The following CTNNA3 variants were observed in gnomAD, a reference collection of about 807,000 sequenced individuals.
The protein encoded by CTNNA3 is catenin alpha 3.
CTNNA3 carries 76 observed loss-of-function variants against 95.7 expected under a neutral mutation model. The observed-to-expected ratio is 0.79, with a 90% confidence interval of 0.66 to 0.96. The LOEUF (loss-of-function observed/expected upper bound fraction) is 0.96, where lower values mean the gene tolerates loss of function less well. Ranked by LOEUF, CTNNA3 falls within the 40% of genes least tolerant of loss-of-function variation. The pLI is 0.00. For missense variants in CTNNA3, 1,191 were observed against 1,089.8 expected (o/e 1.09, Z -1.31); for synonymous variants, 431 against 374.4 (o/e 1.15, Z -1.74).
Position 66,927,899 on chromosome 10 carries a change from A to G in CTNNA3, c.1048-152375T>C, listed in dbSNP as rs1430824271. On this transcript the variant is annotated intron_variant, in intron 7 of 17. Coordinates refer to ENST00000433211, the MANE Select transcript of CTNNA3 (RefSeq NM_013266.4). The surrounding 1 kb of genome is among the most constrained non-coding windows in gnomAD (Gnocchi z 4.7). The stretch of plus-strand genomic sequence containing the variant: ...ATTTGCTCCCTTGTAAACTGGCTGA[A>G]AAGTTTTAAAGGTCTAAGGGAGAAT... 2 of 1,614,120 alleles carry G rather than the reference A, an allele frequency of 1.2e-6. No homozygotes were observed. Among genetic ancestry groups the G allele is most frequent in the African/African-American group, 1.3e-5 (1 of 74,948 alleles).
intron 7 of CTNNA3, among the ~76,000 whole-genome samples, chr10:67,151,727 T>C (rs4746663): frequency 0.64 from 97,743 of 152,100 alleles, 32,469 homozygotes; most frequent in African/African-American, 0.82. Context: ...CACAGCATTC[T>C]GCAGAGCAGC....
intron 5 of CTNNA3, among the ~76,000 whole-genome samples, chr10:67,280,705 C>G (rs887235301): frequency 1.3e-5 from 2 of 152,068 alleles, no homozygotes. Flanking sequence ...GGCAAGAAGA[C>G]CCTGTGCAGG....
chr10:66,563,966 G>A (rs1026690503), intron 10 of CTNNA3, among the ~76,000 whole-genome samples: 10 of 151,966 alleles, frequency 6.6e-5, no homozygotes, highest in African/African-American at 2.4e-4. Context: ...TATATTGATT[G>A]ATGTCTCATG....
chr10:66,212,790 G>A (rs770690094), intron 13 of CTNNA3, among the ~76,000 whole-genome samples: 7 of 152,122 alleles, frequency 4.6e-5, no homozygotes, highest in Non-Finnish European at 1.0e-4. Flanking sequence ...GATTACTTGA[G>A]GCCAGGAGTT....
chr10:67,343,117 A>ATTTT (rs1011106479), intron 5 of CTNNA3, among the ~76,000 whole-genome samples: 8 of 151,872 alleles, frequency 5.3e-5, no homozygotes, highest in African/African-American at 1.9e-4. Flanking sequence ...TACCCAGCTA[A>ATTTT]TTTTTGTATT....
intron 14 of CTNNA3, among the ~76,000 whole-genome samples, chr10:66,086,056 T>A (rs2080970536): frequency 1.3e-5 from 2 of 152,108 alleles, no homozygotes; most frequent in South Asian, 4.1e-4. Context: ...AAACAAAACA[T>A]AATTCTTCTT....
chr10:66,972,250 G>A (rs543004264), intron 7 of CTNNA3, among the ~76,000 whole-genome samples: 4 of 152,016 alleles, frequency 2.6e-5, no homozygotes, highest in Non-Finnish European at 4.4e-5. Flanking sequence ...TTCATTATTC[G>A]GCTTCAGAGT....
chr10:66,820,663 G>T (rs956073555), intron 7 of CTNNA3, among the ~76,000 whole-genome samples: 4 of 146,086 alleles, frequency 2.7e-5, no homozygotes, highest in South Asian at 4.4e-4. Context: ...AAAAAAAATT[G>T]TCCATGTTAG....
At chr10:66,849,154 C>T (rs1032001104) in intron 7 of CTNNA3, among the ~76,000 whole-genome samples, 1 of 152,092 alleles carries the variant, frequency 6.6e-6, no homozygotes, top group Non-Finnish European at 1.5e-5. Flanking sequence ...AATGGAACAC[C>T]TCATTTAAGG....
At chr10:65,970,787 A>G (rs1442419489) in intron 16 of CTNNA3, among the ~76,000 whole-genome samples, 2 of 150,468 alleles carry the variant, frequency 1.3e-5, no homozygotes, top group African/African-American at 2.4e-5. Context: ...GAAGGGTATT[A>G]CATGATGATA....
intron 13 of CTNNA3, among the ~76,000 whole-genome samples, chr10:66,173,924 T>C (rs576929765): frequency 4.2e-4 from 64 of 152,240 alleles, no homozygotes; most frequent in African/African-American, 1.1e-3. Flanking sequence ...TTAAGTAACT[T>C]GCTCAGCTGG....
At chr10:66,408,792 T>C (rs1232779559) in intron 11 of CTNNA3, among the ~76,000 whole-genome samples, 2 of 152,158 alleles carry the variant, frequency 1.3e-5, no homozygotes, top group African/African-American at 4.8e-5. Flanking sequence ...GAACAGTGTA[T>C]AAAACCTAGC....
At chr10:67,214,825 T>C (rs10997577) in intron 6 of CTNNA3, among the ~76,000 whole-genome samples, 1 of 151,942 alleles carries the variant, frequency 6.6e-6, no homozygotes, top group Non-Finnish European at 1.5e-5. Context: ...TCATCATTCA[T>C]AGGTAACTCT....
At chr10:66,661,468 T>C (rs886199170) in intron 9 of CTNNA3, among the ~76,000 whole-genome samples, 6 of 152,288 alleles carry the variant, frequency 3.9e-5, no homozygotes, top group African/African-American at 1.4e-4. Flanking sequence ...AGCTGAGATT[T>C]TGGTGAGGAC....
intron 13 of CTNNA3, among the ~76,000 whole-genome samples, chr10:66,220,619 C>A (rs1054917899): frequency 6.6e-6 from 1 of 152,130 alleles, no homozygotes; most frequent in African/African-American, 2.4e-5. Flanking sequence ...AGAATCAGGC[C>A]GCACAAACGA....
chr10:66,545,098 A>G (rs1243902050), intron 10 of CTNNA3, among the ~76,000 whole-genome samples: 2 of 152,088 alleles, frequency 1.3e-5, no homozygotes, highest in African/African-American at 4.8e-5. Context: ...AGGATATTTT[A>G]TCTTCTTTTA....
rs144761151 is a variant in CTNNA3, at chr10:66,086,699, C to A, written c.1977+16458G>T. ...GAAGGACTCAGTAGAAAAGAACGATCTTTCCTAAGAAAGAATGGCTGTTCC... is the reference window on the plus strand; with the variant it reads ...GAAGGACTCAGTAGAAAAGAACGATATTTCCTAAGAAAGAATGGCTGTTCC... On this transcript the variant is annotated intron_variant, in intron 14 of 17. Coordinates refer to ENST00000433211, the MANE Select transcript of CTNNA3 (RefSeq NM_013266.4). Among the ~76,000 whole-genome samples, 413 of 152,144 alleles carry A rather than the reference C, an allele frequency of 2.7e-3. 1 individual carries two copies. Among genetic ancestry groups the A allele is most frequent in the African/African-American group, 9.3e-3 (387 of 41,550 alleles).
At chr10:66,515,832 A>T (rs544594258) in intron 11 of CTNNA3, among the ~76,000 whole-genome samples, 2 of 152,046 alleles carry the variant, frequency 1.3e-5, no homozygotes, top group Non-Finnish European at 2.9e-5. Context: ...TGATTCAATT[A>T]TCTCTACGGG....
chr10:67,067,155 A>C (rs1856142318), intron 7 of CTNNA3, among the ~76,000 whole-genome samples: 1 of 152,220 alleles, frequency 6.6e-6, no homozygotes, highest in African/African-American at 2.4e-5. Context: ...CATATGACAT[A>C]AGCATGTCAT....
Sources: allele counts gnomAD v4.1 joint callset (sites outside exome capture counted in the v4.1 genomes callset), GRCh38; gene constraint gnomAD v4.1.1; non-coding constraint Gnocchi (gnomAD v3.1); transcripts MANE v1.5; gene names NCBI Gene and HGNC (gene_info 2026-07-23, HGNC 2026-07-21).